Variants in GSE1 observed in about 807,000 individuals in gnomAD.
GSE1 encodes the protein Gse1 coiled-coil protein, also known as genetic suppressor element 1.
Under a neutral mutation model 112.6 loss-of-function variants are expected in GSE1, and 32 were observed. That is an observed-to-expected ratio of 0.28 (90% CI 0.21 to 0.38). The LOEUF is 0.38. Ranked by LOEUF, GSE1 falls within the 10% of genes least tolerant of loss-of-function variation. The pLI is 1.00. For synonymous variants in GSE1, 1,115 were observed against 735.6 expected (o/e 1.52, Z -8.35); for missense variants, 2,348 against 1,699.2 (o/e 1.38, Z -6.71).
chr16:85,656,733 C>G, intron 7 of GSE1, 68 bp downstream of exon 7: 26 of 1,437,176 alleles, frequency 1.8e-5, no homozygotes, highest in East Asian at 2.5e-5. Context: ...CCCTGAATCG[C>G]AGCACCTGCC....
intron 2 of GSE1, among the ~76,000 whole-genome samples, chr16:85,521,162 C>T (rs975756699): frequency 5.9e-5 from 9 of 152,156 alleles, no homozygotes; most frequent in East Asian, 1.9e-4. Flanking sequence ...TCCTGACCAC[C>T]GATTGCCATC....
At chr16:85,560,710 G>T (rs569042251) in intron 1 of GSE1, among the ~76,000 whole-genome samples, 161 of 152,240 alleles carry the variant, frequency 1.1e-3, no homozygotes, top group Non-Finnish European at 3.5e-4. Context: ...ATGTATGTAT[G>T]TATGCCTAGA....
intron 15 of GSE1, 196 bp from the exon 16 acceptor site, chr16:85,672,209 G>C (rs1370252325): frequency 3.4e-6 from 2 of 586,350 alleles, no homozygotes; most frequent in Admixed American, 2.4e-5. Flanking sequence ...TGGCCAGGCT[G>C]GTCTCGAACT....
At chr16:85,239,887 A>G (rs896628671) in intron 1 of GSE1, among the ~76,000 whole-genome samples, 1 of 152,342 alleles carries the variant, frequency 6.6e-6, no homozygotes, top group East Asian at 1.9e-4. Context: ...CTGATTTGCC[A>G]CCTTAGGTCT....
At chr16:85,295,868 G>A (rs117050800) in intron 1 of GSE1, among the ~76,000 whole-genome samples, 19,493 of 151,150 alleles carry the variant, frequency 0.13, 1,489 homozygotes, top group African/African-American at 0.2. Context: ...GCCTCCCAAA[G>A]TGCTGGGACT....
At chr16:85,409,677 C>T (rs866092663) in intron 2 of GSE1, among the ~76,000 whole-genome samples, 23 of 5,306 alleles carry the variant, frequency 4.3e-3, no homozygotes, top group Non-Finnish European at 0.036. Context: ...CTCAGGGCCC[C>T]CCGGATAATC....
chr16:85,441,031 AG>A (rs896799593), intron 2 of GSE1, among the ~76,000 whole-genome samples: 3 of 152,172 alleles, frequency 2.0e-5, no homozygotes, highest in Non-Finnish European at 4.4e-5. Context: ...CTGAGGAACG[AG>A]GGGCTGGCGG....
At chr16:85,535,225 G>A (rs553948690) in intron 2 of GSE1, among the ~76,000 whole-genome samples, 23 of 152,324 alleles carry the variant, frequency 1.5e-4, no homozygotes, top group Admixed American at 1.4e-3. Context: ...TCTGGTTCCT[G>A]CCTCACGGTG....
At chr16:85,615,238 C>G (rs560930493) in intron 1 of GSE1, among the ~76,000 whole-genome samples, 1 of 152,240 alleles carries the variant, frequency 6.6e-6, no homozygotes, top group Non-Finnish European at 1.5e-5. Context: ...GGCGCAGGCT[C>G]CGACGGCGAA....
chr16:85,232,660 C>T (rs1334910946), intron 1 of GSE1, among the ~76,000 whole-genome samples: 3 of 152,208 alleles, frequency 2.0e-5, no homozygotes, highest in African/African-American at 7.2e-5. Context: ...GTGCTCCTTG[C>T]TAGGCTCCAG....
intron 1 of GSE1, among the ~76,000 whole-genome samples, chr16:85,572,226 CCACACGTACAAAACACACCACACCA>C (rs2046021150): frequency 6.8e-6 from 1 of 146,558 alleles, no homozygotes; most frequent in Admixed American, 6.8e-5. Flanking sequence ...ACACCACATA[CCACACGTACAAAACACACCACACCA>C]CACACAACCA....
At chr16:85,494,260 C>T (rs1330958646) in intron 2 of GSE1, among the ~76,000 whole-genome samples, 1 of 152,212 alleles carries the variant, frequency 6.6e-6, no homozygotes, top group Non-Finnish European at 1.5e-5. Flanking sequence ...CGCCTCCCAA[C>T]TTCTGGTGGC....
At chr16:85,335,329 G>A (rs2046460104) in intron 1 of GSE1, among the ~76,000 whole-genome samples, 1 of 152,262 alleles carries the variant, frequency 6.6e-6, no homozygotes, top group South Asian at 2.1e-4. Context: ...GGGCCCGGGT[G>A]GAGGGCCGTA....
At chr16:85,364,206 C>T (rs1329838944) in intron 2 of GSE1, among the ~76,000 whole-genome samples, 1 of 152,196 alleles carries the variant, frequency 6.6e-6, no homozygotes, top group Non-Finnish European at 1.5e-5. Flanking sequence ...CTTGCGGCCC[C>T]TCCCTCCACC....
At position 85,176,298 on chromosome 16, in the gene GSE1, G is replaced by A. The variant is rs144240631; in HGVS notation, c.2283+4491G>A. Among the ~76,000 whole-genome samples the A allele has an allele frequency of 3.1e-3, 469 of 152,320 alleles. 2 individuals are homozygous for A. Among genetic ancestry groups the A allele is most frequent in the African/African-American group, 0.011 (440 of 41,558 alleles). On this transcript the variant is annotated intron_variant, in intron 1 of 2. Coordinates refer to the GSE1 transcript ENST00000637419. ...GAGGTGGCCATGGCCTGGAGGTGGG[G>A]CAGTGGCTCTTAATTTCCTGTGTGT...
chr16:85,471,581 T>G (rs1411153551), intron 2 of GSE1, among the ~76,000 whole-genome samples: 2 of 151,658 alleles, frequency 1.3e-5, no homozygotes, highest in East Asian at 3.9e-4. Flanking sequence ...CCAGATAATT[T>G]TTTTGCATTT....
chr16:85,299,951 AC>A (rs1377991322), intron 1 of GSE1, among the ~76,000 whole-genome samples: 25 of 151,082 alleles, frequency 1.7e-4, no homozygotes, highest in Middle Eastern at 3.4e-3. Flanking sequence ...AAAAAAAAAA[AC>A]AACCCAACAA....
intron 1 of GSE1, among the ~76,000 whole-genome samples, chr16:85,221,789 G>T (rs920251376): frequency 3.3e-5 from 5 of 152,308 alleles, no homozygotes; most frequent in Admixed American, 2.0e-4. Flanking sequence ...TGGCATCTCG[G>T]GGTGGGGTAT....
intron 1 of GSE1, among the ~76,000 whole-genome samples, chr16:85,255,098 C>T (rs1003045404): frequency 2.0e-5 from 3 of 152,196 alleles, no homozygotes; most frequent in African/African-American, 7.2e-5. Flanking sequence ...GCGGCGGCGG[C>T]GGTCGCTGTT....
Sources: allele counts gnomAD v4.1 joint callset (sites outside exome capture counted in the v4.1 genomes callset), GRCh38; gene constraint gnomAD v4.1.1; transcripts MANE v1.5; gene names NCBI Gene and HGNC (gene_info 2026-07-23, HGNC 2026-07-21).